ADAMTS12: variants seen among roughly 807,000 people sequenced by gnomAD.
ADAMTS12 encodes the protein ADAM metallopeptidase with thrombospondin type 1 motif 12.
Under a neutral mutation model 167.8 loss-of-function variants are expected in ADAMTS12, and 118 were observed. The ratio of observed to expected loss-of-function variants is 0.70; its 90% CI spans 0.61 to 0.82. The LOEUF is 0.82. ADAMTS12 is among the 40% of genes least tolerant of loss of function. The pLI is 0.00. For missense variants in ADAMTS12, 1,916 were observed against 1,998.8 expected (o/e 0.96, Z 0.79); for synonymous variants, 704 against 716.9 (o/e 0.98, Z 0.29).
At chr5:33,688,926 G>C (rs1742451063) in intron 3 of ADAMTS12, among the ~76,000 whole-genome samples, 1 of 152,082 alleles carries the variant, frequency 6.6e-6, no homozygotes, top group Non-Finnish European at 1.5e-5. Flanking sequence ...AATTACTACT[G>C]CCTTGTTTGA....
At chr5:33,767,176 T>G (rs1346863925) in intron 2 of ADAMTS12, among the ~76,000 whole-genome samples, 1 of 152,150 alleles carries the variant, frequency 6.6e-6, no homozygotes, top group African/African-American at 2.4e-5. Flanking sequence ...GAAAGAAAAT[T>G]GTATGTTCAA....
At chr5:33,585,038 TATCCATCCATCC>T (rs34073710) in intron 18 of ADAMTS12, among the ~76,000 whole-genome samples, 101 of 150,412 alleles carry the variant, frequency 6.7e-4, no homozygotes, top group African/African-American at 2.4e-3. Context: ...GTTATCCATG[TATCCATCCATCC>T]ATCCATCCAT....
intron 3 of ADAMTS12, among the ~76,000 whole-genome samples, chr5:33,727,327 C>G (rs184450544): frequency 6.6e-6 from 1 of 152,034 alleles, no homozygotes; most frequent in Non-Finnish European, 1.5e-5. Flanking sequence ...ATTGGGCTCT[C>G]GCCTCCTTGT....
At position 33,783,734 on chromosome 5, in the gene ADAMTS12, G is replaced by A. The variant is rs556068649; in HGVS notation, c.490-32186C>T. ...AGTAATTAAAAAATCTTACCATGAAGAAAAACCCAGGTTCAGTGGCTTCAA... is the reference window on the plus strand; with the variant it reads ...AGTAATTAAAAAATCTTACCATGAAAAAAAACCCAGGTTCAGTGGCTTCAA... On this transcript the variant is annotated intron_variant, in intron 2 of 23. Coordinates refer to ENST00000504830, the MANE Select transcript of ADAMTS12 (RefSeq NM_030955.4). Among the ~76,000 whole-genome samples, 14 of 151,894 alleles carry A rather than the reference G, an allele frequency of 9.2e-5. No individual in the cohort carries two copies. The East Asian group carries it at 2.7e-3, about 29-fold the overall frequency.
At position 33,891,718 on chromosome 5, in the gene ADAMTS12, A is replaced by G; in HGVS notation, c.127+12T>C. ...CCACTGTTTTAAAAAGAAATAAAGA[A>G]GAGTCACTAACCTTGCCTCCTGTCC... On this transcript the variant is annotated intron_variant, in intron 1 of 23. Transcript: ENST00000504830. 3 of 1,613,708 alleles carry G rather than the reference A, an allele frequency of 1.9e-6. No homozygotes were observed. Among genetic ancestry groups the G allele is most frequent in the Non-Finnish European group, 2.5e-6 (3 of 1,179,906 alleles).
chr5:33,706,387 G>C (rs1743201142), intron 3 of ADAMTS12, among the ~76,000 whole-genome samples: 1 of 152,108 alleles, frequency 6.6e-6, no homozygotes, highest in South Asian at 2.1e-4. Flanking sequence ...TTCCTGTATA[G>C]GGTGCATATA....
chr5:33,528,214 T>C (rs1483588646), intron 23 of ADAMTS12, among the ~76,000 whole-genome samples: 1 of 151,972 alleles, frequency 6.6e-6, no homozygotes, highest in Non-Finnish European at 1.5e-5. Flanking sequence ...AAGTGGGAGC[T>C]AAGCTATGAG....
At chr5:33,703,320 A>G (rs1743067357) in intron 3 of ADAMTS12, among the ~76,000 whole-genome samples, 2 of 152,238 alleles carry the variant, frequency 1.3e-5, no homozygotes, top group Admixed American at 1.3e-4. Flanking sequence ...GTGTATACCC[A>G]TGATACCATC....
intron 3 of ADAMTS12, among the ~76,000 whole-genome samples, chr5:33,717,301 T>C (rs572194624): frequency 1.3e-5 from 2 of 152,272 alleles, no homozygotes; most frequent in Admixed American, 6.5e-5. Context: ...TCTAGTCTTC[T>C]AAGGGGAACC....
chr5:33,779,413 T>G, intron 2 of ADAMTS12, among the ~76,000 whole-genome samples: 1 of 152,146 alleles, frequency 6.6e-6, no homozygotes, highest in Non-Finnish European at 1.5e-5. Context: ...CTTGAACTCC[T>G]GACCTCAAGT....
intron 16 of ADAMTS12, among the ~76,000 whole-genome samples, chr5:33,602,070 C>T (rs1283559644): frequency 6.6e-6 from 1 of 152,120 alleles, no homozygotes; most frequent in Admixed American, 6.5e-5. Context: ...CATGGGTTAA[C>T]AAGAAAAGCA....
chr5:33,572,381 A>G (rs1160217081), intron 19 of ADAMTS12, among the ~76,000 whole-genome samples: 3 of 152,124 alleles, frequency 2.0e-5, no homozygotes, highest in East Asian at 3.9e-4. Flanking sequence ...CCAGCAGCAT[A>G]TCAAAAAGCT....
At chr5:33,820,937 CAT>C (rs1747845230) in intron 2 of ADAMTS12, among the ~76,000 whole-genome samples, 1 of 152,100 alleles carries the variant, frequency 6.6e-6, no homozygotes, top group East Asian at 1.9e-4. Flanking sequence ...CACATGGACA[CAT>C]AGAGGAAAAC....
At chr5:33,595,224 C>T (rs753231076) in intron 17 of ADAMTS12, among the ~76,000 whole-genome samples, 5 of 151,856 alleles carry the variant, frequency 3.3e-5, no homozygotes, top group Non-Finnish European at 7.4e-5. Context: ...CTTCTAGGAT[C>T]CCAATCTCTT....
intron 5 of ADAMTS12, 53 bp from the exon 6 acceptor site, chr5:33,662,093 A>G: frequency 6.3e-7 from 1 of 1,590,644 alleles, no homozygotes; most frequent in East Asian, 2.2e-5. Context: ...GTGGTCAGGG[A>G]CCATTGCATT....
intron 3 of ADAMTS12, among the ~76,000 whole-genome samples, chr5:33,719,002 T>C (rs1434318579): frequency 6.6e-6 from 1 of 152,160 alleles, no homozygotes; most frequent in African/African-American, 2.4e-5. Flanking sequence ...TGTGCCTCTG[T>C]GTCTATTACA....
intron 16 of ADAMTS12, among the ~76,000 whole-genome samples, chr5:33,609,304 T>C (rs1738602025): frequency 6.6e-6 from 1 of 151,930 alleles, no homozygotes; most frequent in South Asian, 2.1e-4. Flanking sequence ...TATTTTTAGT[T>C]AAGACACCGA....
At chr5:33,571,533 C>G (rs371222814) in intron 19 of ADAMTS12, among the ~76,000 whole-genome samples, 121 of 152,170 alleles carry the variant, frequency 8.0e-4, no homozygotes, top group African/African-American at 2.6e-3. Flanking sequence ...AAATAAAGAT[C>G]TTCTTTGAAA....
chr5:33,833,035 T>A (rs1423299), intron 2 of ADAMTS12, among the ~76,000 whole-genome samples: 21,907 of 152,186 alleles, frequency 0.14, 2,889 homozygotes, highest in East Asian at 0.39. Context: ...CTTCCAGAAG[T>A]ACAATAGCTA....
Sources: allele counts gnomAD v4.1 joint callset (sites outside exome capture counted in the v4.1 genomes callset), GRCh38; gene constraint gnomAD v4.1.1; transcripts MANE v1.5; gene names NCBI Gene and HGNC (gene_info 2026-07-23, HGNC 2026-07-21).